Variants in KIAA0232 observed in about 807,000 individuals in gnomAD.
The protein encoded by KIAA0232 is uncharacterized protein KIAA0232.
A neutral mutation model predicts 122.0 loss-of-function variants in KIAA0232; 27 were observed. The ratio of observed to expected loss-of-function variants is 0.22; its 90% CI spans 0.16 to 0.31. The LOEUF is 0.31. Ranked by LOEUF, KIAA0232 falls within the 10% of genes least tolerant of loss-of-function variation. KIAA0232 has a pLI of 1.00. For missense variants in KIAA0232, 1,551 were observed against 1,634.2 expected (o/e 0.95, Z 0.88); for synonymous variants, 613 against 587.6 (o/e 1.04, Z -0.63).
At chr4:6,846,172 CTGAGGAAG>C (rs1320461357) in intron 4 of KIAA0232, among the ~76,000 whole-genome samples, 1 of 151,854 alleles carries the variant, frequency 6.6e-6, no homozygotes, top group Non-Finnish European at 1.5e-5. Context: ...TTAAAATTAG[CTGAGGAAG>C]TGAATGTGCC....
rs1455276910 is a variant in KIAA0232, at chr4:6,824,402, T to C, written c.-52T>C. Reference sequence around the variant, plus strand: ...AAATCCCCTCCAGATACCAACAGAATATCAACTGCAGAAAATGCTTCACAT... The same window carrying C: ...AAATCCCCTCCAGATACCAACAGAACATCAACTGCAGAAAATGCTTCACAT... On this transcript the variant is annotated 5_prime_UTR_variant, in exon 3 of 10. Coordinates refer to ENST00000307659, the MANE Select transcript of KIAA0232 (RefSeq NM_014743.3). 3 of 1,406,028 alleles carry C rather than the reference T, an allele frequency of 2.1e-6. No homozygotes were observed. Among genetic ancestry groups the C allele is most frequent in the Non-Finnish European group, 3.0e-6 (3 of 990,512 alleles). The allele number at this position is 1,406,028 out of a possible 1,614,324, so 87.1% of individuals were successfully genotyped here.
intron 2 of KIAA0232, among the ~76,000 whole-genome samples, chr4:6,810,560 A>G (rs374243602): frequency 5.9e-5 from 9 of 152,230 alleles, no homozygotes; most frequent in East Asian, 3.8e-4. Context: ...ACAGGCAACT[A>G]AAACAGAAAT....
intron 2 of KIAA0232, among the ~76,000 whole-genome samples, chr4:6,813,487 C>G (rs759383490): frequency 2.0e-5 from 3 of 151,930 alleles, no homozygotes; most frequent in African/African-American, 7.2e-5. Context: ...CTCAGCCTCC[C>G]GAGTAGCTGG....
intron 8 of KIAA0232, among the ~76,000 whole-genome samples, chr4:6,875,144 G>C (rs368912651): frequency 6.6e-6 from 1 of 152,220 alleles, no homozygotes; most frequent in East Asian, 1.9e-4. Context: ...GAGGACACAT[G>C]GCATCCTCCC....
rs371046900 is a variant in KIAA0232, at chr4:6,815,879, T to C, written c.-269-8306T>C. 4.6e-5 allele frequency among the ~76,000 whole-genome samples: 7 copies of C among 152,320 alleles called. No individual in the cohort carries two copies. The South Asian group carries it at 1.5e-3, about 32-fold the overall frequency. On this transcript the variant is annotated intron_variant, in intron 2 of 9. Coordinates refer to ENST00000307659, the MANE Select transcript of KIAA0232 (RefSeq NM_014743.3). ...GAGATCATGTGGGCGTTCAATATGC[T>C]TTGCTTTATTTTGCCTTCGTATGCT...
chr4:6,795,845 C>T (rs371930449), intron 1 of KIAA0232, among the ~76,000 whole-genome samples: 92 of 152,318 alleles, frequency 6.0e-4, no homozygotes, highest in Admixed American at 1.1e-3. Context: ...CTTGCCTTGG[C>T]CTCCGCAAGT....
At chr4:6,858,636 G>T in intron 6 of KIAA0232, 130 bp downstream of exon 6, 1 of 611,200 alleles carries the variant, frequency 1.6e-6, no homozygotes, top group East Asian at 3.1e-5. Flanking sequence ...AACATTTATC[G>T]AGCGCTTATA....
chr4:6,827,998 A>G (rs1347076134), intron 3 of KIAA0232, among the ~76,000 whole-genome samples: 2 of 152,136 alleles, frequency 1.3e-5, no homozygotes, highest in African/African-American at 2.4e-5. Context: ...TTCAAAGCGT[A>G]GGTCACCTCT....
chr4:6,822,201 G>A (rs1718456633), intron 2 of KIAA0232, among the ~76,000 whole-genome samples: 1 of 152,086 alleles, frequency 6.6e-6, no homozygotes, highest in African/African-American at 2.4e-5. Flanking sequence ...GAAAAGTTCA[G>A]CTGGTGAAAG....
intron 4 of KIAA0232, among the ~76,000 whole-genome samples, chr4:6,845,132 A>G (rs1719883496): frequency 6.6e-6 from 1 of 152,130 alleles, no homozygotes; most frequent in African/African-American, 2.4e-5. Context: ...ATGGAACTCT[A>G]CTGTCCAACA....
chr4:6,790,944 A>T (rs1577352175), intron 1 of KIAA0232, among the ~76,000 whole-genome samples: 2 of 108,962 alleles, frequency 1.8e-5, no homozygotes, highest in African/African-American at 3.8e-5. Flanking sequence ...TTTTTGAGGC[A>T]GTCTTGCTCT....
chr4:6,784,081 A>G (rs1479997230), intron 1 of KIAA0232, among the ~76,000 whole-genome samples: 1 of 151,938 alleles, frequency 6.6e-6, no homozygotes, highest in East Asian at 1.9e-4. Context: ...CTCTATAGGC[A>G]AGCTATAAAG....
intron 1 of KIAA0232, among the ~76,000 whole-genome samples, chr4:6,791,280 C>G (rs1716881247): frequency 6.8e-6 from 1 of 147,808 alleles, no homozygotes; most frequent in African/African-American, 2.5e-5. Context: ...GTATGATTTG[C>G]CAAAACATTG....
At chr4:6,807,644 G>A (rs1453852223) in intron 2 of KIAA0232, among the ~76,000 whole-genome samples, 1 of 152,180 alleles carries the variant, frequency 6.6e-6, no homozygotes, top group African/African-American at 2.4e-5. Flanking sequence ...CCTGTTTTCA[G>A]TGCTTGAATT....
intron 7 of KIAA0232, among the ~76,000 whole-genome samples, chr4:6,870,515 C>T (rs575329744): frequency 3.9e-5 from 6 of 152,218 alleles, no homozygotes; most frequent in African/African-American, 1.4e-4. Context: ...ATAAGAATTT[C>T]CTTTGGGCCA....
chr4:6,796,573 A>G (rs376901546), intron 1 of KIAA0232, among the ~76,000 whole-genome samples: 17 of 152,284 alleles, frequency 1.1e-4, no homozygotes, highest in African/African-American at 4.1e-4. Flanking sequence ...GTTTCATGCC[A>G]CCTGTTTAAA....
Position 6,861,097 on chromosome 4 carries a change from G to A in KIAA0232, c.715G>A (p.Val239Ile), listed in dbSNP as rs556102861. Residue 239 changes from valine to isoleucine, a missense_variant, in exon 7 of 10, where the codon GTA (valine) becomes ATA (isoleucine). This residue lies in a region of KIAA0232 where 377 missense variants were observed against 381.7 expected (regional missense o/e 0.99). Coordinates refer to ENST00000307659, the MANE Select transcript of KIAA0232 (RefSeq NM_014743.3). ...AGTCACCAAGGAAAGAAGCAGTGAA[G>A]TACCCACCACTGTGCATGAGAAAAC... ...SEVTKERSSEVPTTVHEKTQS... is the reference protein window; with the variant it reads ...SEVTKERSSEIPTTVHEKTQS... The A allele has an allele frequency of 6.2e-7, 1 of 1,614,192 alleles. No homozygotes were observed. Among genetic ancestry groups the A allele is most frequent in the Non-Finnish European group, 8.5e-7 (1 of 1,180,042 alleles).
At chr4:6,800,023 T>A (rs1018043652) in intron 1 of KIAA0232, among the ~76,000 whole-genome samples, 17 of 141,612 alleles carry the variant, frequency 1.2e-4, no homozygotes, top group South Asian at 2.3e-4. Context: ...TCTGTTTTCT[T>A]TTTCTTTCTT....
At chr4:6,841,918 G>C (rs906042012) in intron 3 of KIAA0232, 149 bp from the exon 4 acceptor site, 2 of 823,736 alleles carry the variant, frequency 2.4e-6, no homozygotes, top group Non-Finnish European at 3.8e-6. Context: ...TGGAATGCCA[G>C]CTCCCTTCGT....
Sources: gnomAD v4.1 joint callset for allele counts (sites outside exome capture counted in the v4.1 genomes callset) on GRCh38, gnomAD v4.1.1 for gene constraint, gnomAD v4.1.1 regional missense constraint, MANE v1.5 for transcripts, NCBI Gene and HGNC (gene_info 2026-07-23, HGNC 2026-07-21) for gene names.